VAV3: variants seen among roughly 807,000 people sequenced by gnomAD.
VAV3 encodes guanine nucleotide exchange factor VAV3.
A neutral mutation model predicts 131.2 loss-of-function variants in VAV3; 94 were observed. That is an observed-to-expected ratio of 0.72 (90% CI 0.61 to 0.85). The LOEUF is 0.85. Ranked by LOEUF, VAV3 falls within the 40% of genes least tolerant of loss-of-function variation. The pLI is 0.00. For synonymous variants in VAV3, 349 were observed against 342.0 expected (o/e 1.02, Z -0.22); for missense variants, 939 against 1,002.7 (o/e 0.94, Z 0.86).
At chr1:107,616,357 G>A (rs1020408678) in intron 21 of VAV3, among the ~76,000 whole-genome samples, 2 of 151,428 alleles carry the variant, frequency 1.3e-5, no homozygotes, top group Non-Finnish European at 2.9e-5. Context: ...AAGTAACAAT[G>A]TTCTCATTTA....
chr1:107,928,237 C>A (rs1221076274), intron 1 of VAV3, among the ~76,000 whole-genome samples: 1 of 152,074 alleles, frequency 6.6e-6, no homozygotes, highest in Non-Finnish European at 1.5e-5. Flanking sequence ...CAGATACAGC[C>A]TAGATCACAA....
chr1:107,770,814 T>G, intron 5 of VAV3, 86 bp from the exon 6 acceptor site: 1 of 1,054,362 alleles, frequency 9.5e-7, no homozygotes, highest in East Asian at 2.5e-5. Context: ...CATTGCTGAC[T>G]TTCTTAAACT....
At chr1:107,802,142 C>G (rs1250953842) in intron 2 of VAV3, among the ~76,000 whole-genome samples, 1 of 151,912 alleles carries the variant, frequency 6.6e-6, no homozygotes, top group African/African-American at 2.4e-5. Context: ...TTCTTGATTT[C>G]TTTTTCAGAT....
At chr1:107,909,751 T>TAA (rs1161776721) in intron 1 of VAV3, among the ~76,000 whole-genome samples, 2 of 150,232 alleles carry the variant, frequency 1.3e-5, no homozygotes, top group African/African-American at 4.9e-5. Context: ...TATCATAATG[T>TAA]AATGCAGGTA....
intron 4 of VAV3, among the ~76,000 whole-genome samples, chr1:107,775,687 G>C (rs1570936528): frequency 6.7e-6 from 1 of 148,332 alleles, no homozygotes; most frequent in Non-Finnish European, 1.5e-5. Flanking sequence ...ACTTTATGAA[G>C]ATTACAACCA....
At chr1:107,590,011 G>A (rs1650812958) in intron 25 of VAV3, among the ~76,000 whole-genome samples, 1 of 152,144 alleles carries the variant, frequency 6.6e-6, no homozygotes, top group African/African-American at 2.4e-5. Context: ...TAAAAATGAA[G>A]GATAAGCATG....
intron 2 of VAV3, among the ~76,000 whole-genome samples, chr1:107,856,061 C>T (rs1345502361): frequency 2.0e-5 from 3 of 152,186 alleles, no homozygotes. Flanking sequence ...GAGACCACCC[C>T]ATGCACACTC....
intron 20 of VAV3, among the ~76,000 whole-genome samples, chr1:107,623,420 T>A (rs756932466): frequency 1.3e-5 from 2 of 152,244 alleles, no homozygotes; most frequent in South Asian, 2.1e-4. Context: ...TCATGTGTTA[T>A]TAAAATAGAA....
chr1:107,936,269 G>C (rs1673706437), intron 1 of VAV3, among the ~76,000 whole-genome samples: 1 of 152,016 alleles, frequency 6.6e-6, no homozygotes, highest in Non-Finnish European at 1.5e-5. Context: ...TTGAATAGTG[G>C]AAAACCTCTT....
chr1:107,767,064 C>T (rs967442966), intron 7 of VAV3, among the ~76,000 whole-genome samples: 1 of 152,138 alleles, frequency 6.6e-6, no homozygotes, highest in Non-Finnish European at 1.5e-5. Flanking sequence ...AAAATAATGA[C>T]TCATGTCCTT....
At position 107,770,820 on chromosome 1, in the gene VAV3, A is replaced by C. The variant is rs1338274250; in HGVS notation, c.556-92T>G. 29 of 1,037,606 alleles carry C rather than the reference A, an allele frequency of 2.8e-5. No homozygotes were observed. In the Admixed American group the frequency reaches 4.2e-4, roughly 15 times the overall value. The allele number at this position is 1,037,606 out of a possible 1,614,324, so 64.3% of individuals were successfully genotyped here. On this transcript the variant is annotated intron_variant, in intron 5 of 26. Coordinates refer to ENST00000370056, the MANE Select transcript of VAV3 (RefSeq NM_006113.5). ...GATCAAAAGCATTGCTGACTTTCTT[A>C]AACTTTCCTTTCTAATACAACACAT...
chr1:107,850,926 T>G (rs1177128631), intron 2 of VAV3, among the ~76,000 whole-genome samples: 1 of 151,958 alleles, frequency 6.6e-6, no homozygotes, highest in Admixed American at 6.6e-5. Context: ...TACAGGTAAG[T>G]GTGCCCTTGG....
chr1:107,907,671 T>A (rs972531220), intron 1 of VAV3, among the ~76,000 whole-genome samples: 99 of 151,676 alleles, frequency 6.5e-4, no homozygotes, highest in African/African-American at 2.3e-3. Context: ...TCTCTCTCTC[T>A]CTCACACACA....
At chr1:107,632,217 G>T (rs1195749499) in intron 20 of VAV3, among the ~76,000 whole-genome samples, 1 of 152,124 alleles carries the variant, frequency 6.6e-6, no homozygotes, top group Non-Finnish European at 1.5e-5. Context: ...CAAATCAATG[G>T]CTCACATTAG....
At chr1:107,779,984 T>A (rs758517646) in intron 2 of VAV3, among the ~76,000 whole-genome samples, 4 of 152,194 alleles carry the variant, frequency 2.6e-5, no homozygotes, top group African/African-American at 9.7e-5. Flanking sequence ...ACTACACAGT[T>A]ATCAAAAAAT....
intron 2 of VAV3, among the ~76,000 whole-genome samples, chr1:107,788,829 C>T (rs1557848210): frequency 6.6e-6 from 1 of 152,198 alleles, no homozygotes; most frequent in East Asian, 1.9e-4. Flanking sequence ...ATCATATTTG[C>T]AAATCCTTCT....
intron 15 of VAV3, among the ~76,000 whole-genome samples, chr1:107,711,827 G>A (rs1660801381): frequency 6.6e-6 from 1 of 151,878 alleles, no homozygotes; most frequent in Non-Finnish European, 1.5e-5. Context: ...AGCTGGATAT[G>A]GGCATGCACT....
chr1:107,638,959 A>G (rs942557846), intron 20 of VAV3, among the ~76,000 whole-genome samples: 7 of 152,068 alleles, frequency 4.6e-5, no homozygotes, highest in African/African-American at 1.7e-4. Flanking sequence ...ATATACACAT[A>G]AAGATATATA....
chr1:107,922,900 C>G (rs1023921316), intron 1 of VAV3, among the ~76,000 whole-genome samples: 5 of 149,512 alleles, frequency 3.3e-5, no homozygotes, highest in Middle Eastern at 3.5e-3. Flanking sequence ...TGCAGTGAGC[C>G]GAGATCGCGC....
Sources: gnomAD v4.1 joint callset for allele counts (sites outside exome capture counted in the v4.1 genomes callset) on GRCh38, gnomAD v4.1.1 for gene constraint, MANE v1.5 for transcripts, NCBI Gene and HGNC (gene_info 2026-07-23, HGNC 2026-07-21) for gene names.